PIK3C3: variants seen among roughly 807,000 people sequenced by gnomAD.
PIK3C3 encodes the protein phosphatidylinositol 3-kinase catalytic subunit type 3.
Under a neutral mutation model 126.1 loss-of-function variants are expected in PIK3C3, and 95 were observed. The observed-to-expected ratio is 0.75, with a 90% CI of 0.64 to 0.89. The LOEUF (loss-of-function observed/expected upper bound fraction) is 0.89. Ranked by LOEUF, PIK3C3 falls within the 40% of genes least tolerant of loss-of-function variation. The pLI is 0.00. For missense variants in PIK3C3, 829 were observed against 1,063.2 expected (o/e 0.78, Z 3.06); for synonymous variants, 374 against 360.0 (o/e 1.04, Z -0.44).
intron 3 of PIK3C3, 31 bp downstream of exon 3, chr18:41,962,663 G>A: frequency 1.3e-6 from 2 of 1,590,494 alleles, no homozygotes; most frequent in Non-Finnish European, 1.7e-6. Flanking sequence ...ATCTGTAGGA[G>A]TGTAGCAGCT....
At chr18:42,042,377 A>C (rs1388117125) in intron 19 of PIK3C3, among the ~76,000 whole-genome samples, 4 of 152,190 alleles carry the variant, frequency 2.6e-5, no homozygotes, top group Non-Finnish European at 5.9e-5. Context: ...TCTCTGTAAC[A>C]AACCTTAGTC....
chr18:42,011,500 A>G (rs1382920944), intron 10 of PIK3C3, among the ~76,000 whole-genome samples: 3 of 152,144 alleles, frequency 2.0e-5, no homozygotes, highest in Non-Finnish European at 4.4e-5. Context: ...ATAGAAATGG[A>G]GAGAATTAGG....
intron 20 of PIK3C3, 54 bp from the exon 21 acceptor site, chr18:42,049,477 T>G (rs1984696921): frequency 3.0e-6 from 4 of 1,319,190 alleles, no homozygotes; most frequent in Non-Finnish European, 4.4e-6. Context: ...TTCAGTAGAA[T>G]GTATAACCTG....
intron 3 of PIK3C3, among the ~76,000 whole-genome samples, chr18:41,968,937 C>G (rs1046871053): frequency 1.3e-5 from 2 of 151,792 alleles, no homozygotes; most frequent in African/African-American, 4.8e-5. Context: ...CCTGCCTCAG[C>G]CCCCTAAAAA....
intron 24 of PIK3C3, among the ~76,000 whole-genome samples, chr18:42,079,988 T>TAA (rs1491381463): frequency 1.9e-5 from 2 of 104,552 alleles, no homozygotes; most frequent in African/African-American, 3.4e-5. Flanking sequence ...TGTGTGTATG[T>TAA]AAGAGAGAGA....
In PIK3C3 at chr18:41,955,260, C is replaced by G; in HGVS notation, c.-32C>G. 6.3e-7 allele frequency: 1 copy of G among 1,592,162 alleles called. No homozygotes were observed. Among genetic ancestry groups the G allele is most frequent in the Non-Finnish European group, 8.6e-7 (1 of 1,163,174 alleles). On this transcript the variant is annotated 5_prime_UTR_variant, in exon 1 of 25. Coordinates refer to ENST00000262039, the MANE Select transcript of PIK3C3 (RefSeq NM_002647.4). Reference sequence around the variant, plus strand: ...TGTTGTTTTTCCTGTACCTAAGTTCCCGCTGTAGGTGGTACCTTTGCAGAC... The same window carrying G: ...TGTTGTTTTTCCTGTACCTAAGTTCGCGCTGTAGGTGGTACCTTTGCAGAC...
chr18:42,028,488 A>G (rs756978942), intron 14 of PIK3C3, among the ~76,000 whole-genome samples: 4 of 152,218 alleles, frequency 2.6e-5, no homozygotes, highest in Non-Finnish European at 5.9e-5. Flanking sequence ...CCGCAGAAAT[A>G]GTCTATTTCA....
chr18:42,027,665 A>G, intron 14 of PIK3C3, 117 bp downstream of exon 14: 3 of 417,146 alleles, frequency 7.2e-6, no homozygotes, highest in South Asian at 9.1e-5. Context: ...TTTTATTTTT[A>G]TTTTTTTGAG....
intron 24 of PIK3C3, among the ~76,000 whole-genome samples, chr18:42,079,677 C>A (rs949545939): frequency 6.6e-6 from 1 of 152,074 alleles, no homozygotes; most frequent in Non-Finnish European, 1.5e-5. Flanking sequence ...GGTTCAATAG[C>A]AACATTTTTG....
At chr18:42,031,471 C>T (rs1247679055) in intron 15 of PIK3C3, among the ~76,000 whole-genome samples, 1 of 152,056 alleles carries the variant, frequency 6.6e-6, no homozygotes, top group Non-Finnish European at 1.5e-5. Context: ...GGCTGCAGTA[C>T]CATGGTACTG....
At position 42,076,185 on chromosome 18, in the gene PIK3C3, TATATATGCACAC is replaced by T. The variant is rs1457444724; in HGVS notation, c.2650-4931_2650-4920del. Reference sequence around the variant, plus strand: ...ATGCACATATATATATATGCACATATATATATGCACACATATATATATGCACATATATATATG... The same window carrying T: ...ATGCACATATATATATATGCACATATATATATATATGCACATATATATATG... On this transcript the variant is annotated intron_variant, in intron 24 of 24. Coordinates refer to ENST00000262039, the MANE Select transcript of PIK3C3 (RefSeq NM_002647.4). Among the ~76,000 whole-genome samples the T allele has an allele frequency of 7.6e-3, 918 of 120,506 alleles. 41 individuals are homozygous for T. Among genetic ancestry groups the T allele is most frequent in the African/African-American group, 0.029 (778 of 27,134 alleles). 79.1% of individuals were successfully genotyped at this position (120,506 alleles called of 152,430 possible).
chr18:42,016,900 A>G lies in PIK3C3; in HGVS notation c.1416+1334A>G, dbSNP rs948870. On this transcript the variant is annotated intron_variant, in intron 12 of 24. Transcript: ENST00000262039. ...ATTCTAGATGCTGTGAAGTGATTGG[A>G]TTCTGAAAACGATGTTCAGAATATT... 4.6e-3 allele frequency among the ~76,000 whole-genome samples: 701 copies of G among 152,216 alleles called. 4 individuals are homozygous for G. Among genetic ancestry groups the G allele is most frequent in the South Asian group, 0.018 (86 of 4,824 alleles).
At chr18:42,077,659 C>A (rs529579645) in intron 24 of PIK3C3, among the ~76,000 whole-genome samples, 2 of 152,338 alleles carry the variant, frequency 1.3e-5, no homozygotes, top group East Asian at 3.9e-4. Context: ...TCTGCAATTA[C>A]TTCCTCTACT....
At chr18:41,970,639 T>A in intron 4 of PIK3C3, 183 bp downstream of exon 4, 1 of 640,866 alleles carries the variant, frequency 1.6e-6, no homozygotes, top group Middle Eastern at 4.2e-4. Flanking sequence ...TACAGTCTGA[T>A]GGTTTAGTAA....
intron 3 of PIK3C3, among the ~76,000 whole-genome samples, chr18:41,967,836 G>A (rs1240892043): frequency 6.6e-6 from 1 of 152,206 alleles, no homozygotes; most frequent in Non-Finnish European, 1.5e-5. Context: ...AGTTGGTGCT[G>A]TAGTGGCTTG....
At chr18:42,034,772 A>G (rs1983974908) in intron 16 of PIK3C3, among the ~76,000 whole-genome samples, 1 of 152,184 alleles carries the variant, frequency 6.6e-6, no homozygotes, top group Admixed American at 6.5e-5. Context: ...TAGTGGTAGA[A>G]AGGCATAGTT....
At chr18:42,079,914 G>A (rs1239568767) in intron 24 of PIK3C3, among the ~76,000 whole-genome samples, 2 of 150,686 alleles carry the variant, frequency 1.3e-5, no homozygotes, top group Non-Finnish European at 2.9e-5. Context: ...TCTTTGCATG[G>A]AATGAGTTCC....
intron 4 of PIK3C3, among the ~76,000 whole-genome samples, chr18:41,984,723 G>A (rs609301): frequency 0.49 from 74,904 of 151,948 alleles, 20,164 homozygotes; most frequent in African/African-American, 0.72. Flanking sequence ...CTCCCTTGCA[G>A]TGGAACAATT....
intron 15 of PIK3C3, among the ~76,000 whole-genome samples, chr18:42,030,944 G>T (rs1983796476): frequency 6.6e-6 from 1 of 152,150 alleles, no homozygotes; most frequent in Admixed American, 6.5e-5. Context: ...ACATCACTCA[G>T]AGTCTCCCCA....
Sources: allele counts gnomAD v4.1 joint callset (sites outside exome capture counted in the v4.1 genomes callset), GRCh38; gene constraint gnomAD v4.1.1; transcripts MANE v1.5; gene names NCBI Gene and HGNC (gene_info 2026-07-23, HGNC 2026-07-21).